PAQR5: variants seen among roughly 807,000 people sequenced by gnomAD.
The protein encoded by PAQR5 is membrane progestin receptor gamma.
PAQR5 carries 20 observed loss-of-function variants against 34.5 expected under a neutral mutation model. The ratio of observed to expected loss-of-function variants is 0.58; its 90% CI spans 0.41 to 0.84. The LOEUF (loss-of-function observed/expected upper bound fraction) is 0.84. Ranked by LOEUF, PAQR5 falls within the 40% of genes least tolerant of loss-of-function variation. The probability of loss-of-function intolerance (pLI) is 0.00; values close to 1 mark genes in which losing one functional copy is unlikely to be tolerated. For missense variants in PAQR5, 378 were observed against 412.7 expected (o/e 0.92, Z 0.73); for synonymous variants, 131 against 155.6 (o/e 0.84, Z 1.18).
chr15:69,325,818 C>T (rs778190792), intron 1 of PAQR5, among the ~76,000 whole-genome samples: 27 of 152,300 alleles, frequency 1.8e-4, no homozygotes, highest in Middle Eastern at 3.4e-3. Context: ...ACCGCAGTTT[C>T]TACGCACAGC....
intron 1 of PAQR5, among the ~76,000 whole-genome samples, chr15:69,300,691 C>CCT (rs767504168): frequency 0.24 from 885 of 3,694 alleles, 277 homozygotes; most frequent in Middle Eastern, 0.33. Flanking sequence ...TTCCTCCCTC[C>CCT]CTCTCTCTCT....
intron 3 of PAQR5, among the ~76,000 whole-genome samples, chr15:69,365,964 C>T (rs1015980536): frequency 2.6e-5 from 4 of 152,190 alleles, no homozygotes; most frequent in African/African-American, 9.7e-5. Context: ...ACACAATTCA[C>T]ATATTATAAA....
chr15:69,382,890 G>A (rs1595919678), intron 4 of PAQR5: 1 of 147,382 alleles, frequency 6.8e-6, no homozygotes, highest in Admixed American at 6.8e-5. Context: ...GGGAACTAAG[G>A]CCAATCAAAT....
At chr15:69,353,507 C>T (rs1452830845) in intron 2 of PAQR5, among the ~76,000 whole-genome samples, 2 of 152,138 alleles carry the variant, frequency 1.3e-5, no homozygotes, top group East Asian at 1.9e-4. Context: ...CCCGTTATTC[C>T]GAAGCAGCTG....
chr15:69,333,957 T>C lies in PAQR5; in HGVS notation c.-276-3384T>C, dbSNP rs146208846. ...AAATATAAGCATTTAAATCAAATAT[T>C]TTATCAGAAAAATAGAAACCGTAAT... On this transcript the variant is annotated intron_variant, in intron 1 of 8. Transcript: ENST00000395407. Among the ~76,000 whole-genome samples the C allele has an allele frequency of 4.2e-3, 641 of 152,258 alleles. 8 individuals carry two copies. Among genetic ancestry groups the C allele is most frequent in the African/African-American group, 0.015 (613 of 41,544 alleles).
At chr15:69,388,290 G>A (rs1426152672) in intron 5 of PAQR5, among the ~76,000 whole-genome samples, 1 of 152,214 alleles carries the variant, frequency 6.6e-6, no homozygotes, top group Non-Finnish European at 1.5e-5. Flanking sequence ...GTGCCTGAAA[G>A]AGGAAGTTTC....
At chr15:69,307,605 C>A (rs535238138) in intron 1 of PAQR5, among the ~76,000 whole-genome samples, 2 of 152,154 alleles carry the variant, frequency 1.3e-5, no homozygotes, top group Non-Finnish European at 2.9e-5. Flanking sequence ...TTTCATCCCC[C>A]ACAAGGCTGA....
chr15:69,355,446 A>G (rs2055052553), intron 2 of PAQR5, among the ~76,000 whole-genome samples: 2 of 142,452 alleles, frequency 1.4e-5, no homozygotes, highest in Admixed American at 1.5e-4. Flanking sequence ...CTTGAGACAG[A>G]GTCTCACTCT....
intron 4 of PAQR5, among the ~76,000 whole-genome samples, chr15:69,384,266 A>T (rs1595922411): frequency 9.3e-6 from 1 of 106,954 alleles, no homozygotes; most frequent in Non-Finnish European, 1.8e-5. Context: ...GTGGAGGGTG[A>T]GTGGGCCTCT....
chr15:69,324,129 C>CAAAAAAAAAAAAAAAA (rs55634756), intron 1 of PAQR5, among the ~76,000 whole-genome samples: 2 of 135,486 alleles, frequency 1.5e-5, no homozygotes, highest in Admixed American at 7.4e-5. Context: ...ATAGCTAGGG[C>CAAAAAAAAAAAAAAAA]AAAAAAAAAA....
At chr15:69,324,884 C>T (rs1441987658) in intron 1 of PAQR5, among the ~76,000 whole-genome samples, 3 of 148,516 alleles carry the variant, frequency 2.0e-5, no homozygotes, top group Admixed American at 7.1e-5. Flanking sequence ...CAAGACTTAT[C>T]CCAAGTTTCA....
At chr15:69,350,856 C>A (rs544644322) in intron 2 of PAQR5, among the ~76,000 whole-genome samples, 5 of 152,296 alleles carry the variant, frequency 3.3e-5, no homozygotes, top group Admixed American at 2.0e-4. Flanking sequence ...TTCTCCCAGG[C>A]TTCGCCAAAG....
intron 2 of PAQR5, among the ~76,000 whole-genome samples, chr15:69,344,128 C>T (rs1343103369): frequency 6.6e-6 from 1 of 152,180 alleles, no homozygotes; most frequent in Non-Finnish European, 1.5e-5. Flanking sequence ...GCCACCATGC[C>T]CGGCTACAGC....
intron 2 of PAQR5, among the ~76,000 whole-genome samples, chr15:69,344,196 A>G (rs2054709674): frequency 6.6e-6 from 1 of 152,182 alleles, no homozygotes; most frequent in Non-Finnish European, 1.5e-5. Context: ...TGCATGGCTG[A>G]TGTGACGGCT....
intron 1 of PAQR5, among the ~76,000 whole-genome samples, chr15:69,311,287 T>C (rs886186402): frequency 5.3e-5 from 8 of 151,876 alleles, no homozygotes; most frequent in Admixed American, 3.9e-4. Flanking sequence ...CGTGAGTTCA[T>C]CTAGGGAAGG....
intron 3 of PAQR5, among the ~76,000 whole-genome samples, chr15:69,368,679 C>T (rs781062630): frequency 2.6e-5 from 4 of 152,146 alleles, no homozygotes; most frequent in Non-Finnish European, 4.4e-5. Flanking sequence ...TTTCAGTTGA[C>T]TAATTTTCTC....
At chr15:69,355,768 T>C (rs2055062051) in intron 2 of PAQR5, among the ~76,000 whole-genome samples, 3 of 152,154 alleles carry the variant, frequency 2.0e-5, no homozygotes. Flanking sequence ...GAGACAAGGA[T>C]AGTCTTATTC....
intron 2 of PAQR5, among the ~76,000 whole-genome samples, chr15:69,355,883 T>C (rs754131594): frequency 6.6e-6 from 1 of 152,140 alleles, no homozygotes; most frequent in Non-Finnish European, 1.5e-5. Context: ...TCAGTTAAAT[T>C]CTCAGCTTTT....
rs1011018027 is a variant in PAQR5, at chr15:69,385,770, A to G, written c.385+888A>G. The stretch of plus-strand genomic sequence containing the variant: ...CACTCACACAAACACACACTCATGC[A>G]CTGACACACACTGACACACACACAT... On this transcript the variant is annotated intron_variant, in intron 5 of 8. Transcript: ENST00000395407. This position sits in a 1 kb window ranked among gnomAD's most constrained non-coding sequence, Gnocchi z 4.7. Among the ~76,000 whole-genome samples, 3 of 151,872 alleles carry G rather than the reference A, an allele frequency of 2.0e-5. No homozygotes were observed. The highest frequency in any genetic ancestry group is 4.4e-5 in the Non-Finnish European group (3 of 67,976).
Sources: allele counts gnomAD v4.1 joint callset (sites outside exome capture counted in the v4.1 genomes callset), GRCh38; gene constraint gnomAD v4.1.1; non-coding constraint Gnocchi (gnomAD v3.1); transcripts MANE v1.5; gene names NCBI Gene and HGNC (gene_info 2026-07-23, HGNC 2026-07-21).